The following VLDLR variants were observed in gnomAD, a reference collection of about 807,000 sequenced individuals.
The protein encoded by VLDLR is very low density lipoprotein receptor, also known as very low-density lipoprotein receptor.
A neutral mutation model predicts 112.7 loss-of-function variants in VLDLR; 81 were observed. That is an observed-to-expected ratio of 0.72 (90% CI 0.60 to 0.86). The LOEUF (loss-of-function observed/expected upper bound fraction) is 0.86, where lower values mean the gene tolerates loss of function less well. VLDLR is among the 40% of genes least tolerant of loss of function. VLDLR has a pLI of 0.00. For synonymous variants in VLDLR, 436 were observed against 384.8 expected, an observed-to-expected ratio of 1.13 and a Z score of -1.56; for missense variants, 1,237 against 1,099.4, an observed-to-expected ratio of 1.13 and a Z score of -1.77.
rs753431442 is a variant in VLDLR, at chr9:2,643,185, G to A, written c.474G>A (p.Glu158=). ...GCAATATAACATGTAGTCCCGACGA[G>A]TTCACCTGCTCCAGTGGCCGCTGCA... ...NCGNITCSPD[E]FTCSSGRCIS... The change falls in exon 5 of 19, where the codon GAG becomes GAA. Residue 158 remains glutamate (E), a synonymous_variant. Transcript: ENST00000382100. 1 of 1,613,214 alleles carries A rather than the reference G, an allele frequency of 6.2e-7. No individual in the cohort carries two copies. The highest frequency in any genetic ancestry group is 1.1e-5 in the South Asian group (1 of 91,084).
At chr9:2,647,116 C>G (rs2130799219) in intron 11 of VLDLR, among the ~76,000 whole-genome samples, 1 of 151,246 alleles carries the variant, frequency 6.6e-6, no homozygotes, top group African/African-American at 2.4e-5. Flanking sequence ...ACAACTGGCC[C>G]CCGTGCAGCC....
At chr9:2,651,649 C>T (rs1186123410) in intron 16 of VLDLR, 151 bp downstream of exon 16, 2 of 890,828 alleles carry the variant, frequency 2.2e-6, no homozygotes, top group Admixed American at 4.6e-5. Flanking sequence ...ACTTGCATAT[C>T]TTTTCCTGAC....
At position 2,646,021 on chromosome 9, in the gene VLDLR, C is replaced by A. The variant is rs139145148; in HGVS notation, c.1484+276C>A. The stretch of plus-strand genomic sequence containing the variant: ...AATTGAGAACTGTTCATTGTTGCTA[C>A]AAATAGAAATGGTAGTACAGCCTTT... On this transcript the variant is annotated intron_variant, in intron 10 of 18. Coordinates refer to ENST00000382100, the MANE Select transcript of VLDLR (RefSeq NM_003383.5). 6.8e-3 allele frequency among the ~76,000 whole-genome samples: 1,033 copies of A among 152,060 alleles called. 16 individuals carry two copies. Among genetic ancestry groups the A allele is most frequent in the African/African-American group, 0.022 (926 of 41,460 alleles).
chr9:2,640,847 C>T (rs1817792449), intron 3 of VLDLR, among the ~76,000 whole-genome samples: 1 of 152,200 alleles, frequency 6.6e-6, no homozygotes, highest in African/African-American at 2.4e-5. Flanking sequence ...TGTAAAGATT[C>T]AGCCTCAACT....
intron 1 of VLDLR, among the ~76,000 whole-genome samples, chr9:2,634,485 G>T (rs542504056): frequency 1.3e-5 from 2 of 152,134 alleles, no homozygotes; most frequent in Non-Finnish European, 2.9e-5. Context: ...AATCACATCC[G>T]CCAGAAGGAC....
chr9:2,650,586 T>G (rs1031554792), intron 15 of VLDLR, 70 bp downstream of exon 15: 1 of 1,591,442 alleles, frequency 6.3e-7, no homozygotes, highest in African/African-American at 1.3e-5. Context: ...CAAGCTTGGA[T>G]TTTTAAGAAT....
intron 1 of VLDLR, among the ~76,000 whole-genome samples, chr9:2,629,901 A>G (rs562303603): frequency 2.0e-5 from 3 of 152,298 alleles, no homozygotes; most frequent in African/African-American, 7.2e-5. Context: ...GGTTCAAACA[A>G]TTCTCCTGCA....
intron 1 of VLDLR, among the ~76,000 whole-genome samples, chr9:2,633,941 T>C (rs928604973): frequency 5.3e-5 from 8 of 152,126 alleles, no homozygotes; most frequent in Admixed American, 3.3e-4. Context: ...ATCTCTACCC[T>C]CCTCTAGTTC....
chr9:2,622,352 GC>G, intron 1 of VLDLR, 81 bp downstream of exon 1: 1 of 1,258,288 alleles, frequency 7.9e-7, no homozygotes, highest in Non-Finnish European at 1.0e-6. Flanking sequence ...GTCTCCGTTT[GC>G]CCACCCGCCT....
chr9:2,658,211 C>T lies in VLDLR; in HGVS notation c.*4343C>T, dbSNP rs1382878264. 6.6e-6 allele frequency: 1 copy of T among 152,182 alleles called. No individual in the cohort carries two copies. The highest frequency in any genetic ancestry group is 1.5e-5 in the Non-Finnish European group (1 of 68,026). 9.4% of individuals were successfully genotyped at this position (152,182 alleles called of 1,614,324 possible). A position where few individuals can be genotyped will look rare whatever the true frequency, so the allele number is the denominator to read the frequency against. ...AGCTGAATGCATTTTACCAGTGAGG[C>T]TCTAGATATGAAACTTAGGGATCCA... On this transcript the variant is annotated 3_prime_UTR_variant, in exon 19 of 19. Transcript: ENST00000382100.
Position 2,651,384 on chromosome 9 carries a change from A to G in VLDLR, c.2252-31A>G. The G allele has an allele frequency of 3.1e-6, 5 of 1,591,598 alleles. No individual in the cohort carries two copies. The South Asian group carries it at 5.5e-5, about 18-fold the overall frequency. On this transcript the variant is annotated intron_variant, in intron 15 of 18. Transcript: ENST00000382100. ...CAGCTAGCCATGCTGGAACCCTGGC[A>G]TTAACCAGGTTCTTGGTTTTTATAA...
chr9:2,651,823 C>CTAAG (rs1818362743), intron 16 of VLDLR, 51 bp from the exon 17 acceptor site: 2 of 1,608,092 alleles, frequency 1.2e-6, no homozygotes, highest in Admixed American at 1.7e-5. Context: ...GGGTAAATTT[C>CTAAG]TAAGTCTGAA....
In VLDLR at chr9:2,630,972, GA is replaced by G. The variant is rs34846717; in HGVS notation, c.83-4475del. On this transcript the variant is annotated intron_variant, in intron 1 of 18. Transcript: ENST00000382100. ...AGAATATACAAACTCAAACAATGGG[GA>G]AAAAATAATCCCATTAAAAAGTGGA... 2.4e-3 allele frequency among the ~76,000 whole-genome samples: 358 copies of G among 152,010 alleles called. 2 individuals carry two copies. The highest frequency in any genetic ancestry group is 8.1e-3 in the South Asian group (39 of 4,806).
rs1818511716 is a variant in VLDLR, at chr9:2,654,491, T to A, written c.*623T>A. The A allele has an allele frequency of 6.3e-6, 1 of 158,840 alleles. No individual in the cohort carries two copies. Among genetic ancestry groups the A allele is most frequent in the East Asian group, 1.8e-4 (1 of 5,422 alleles). The allele number at this position is 158,840 out of a possible 1,614,324, so 9.8% of individuals were successfully genotyped here. A position where few individuals can be genotyped will look rare whatever the true frequency, so the allele number is the denominator to read the frequency against. On this transcript the variant is annotated 3_prime_UTR_variant, in exon 19 of 19. Transcript: ENST00000382100. ...AACCAAGCAGCTTAACCATGGTTTG[T>A]GCCTGTTCCTCTAGGATGAACTCCT...
rs371643128 is a variant in VLDLR, at chr9:2,643,473, G to T, written c.762G>T (p.Lys254Asn). ...GCGGCTCTGGCGAGTGCATCCATAA[G>T]AAGTGGCGATGTGATGGGGACCCTG... ...IQCGSGECIH[K>N]KWRCDGDPDC... The change falls in exon 5 of 19, where the codon AAG becomes AAT. Residue 254 changes from lysine to asparagine, a missense_variant. Transcript: ENST00000382100. The T allele has an allele frequency of 6.2e-7, 1 of 1,614,122 alleles. No homozygotes were observed. Among genetic ancestry groups the T allele is most frequent in the African/African-American group, 1.3e-5 (1 of 74,934 alleles).
intron 14 of VLDLR, among the ~76,000 whole-genome samples, chr9:2,649,529 C>T (rs927020269): frequency 6.6e-6 from 1 of 152,102 alleles, no homozygotes; most frequent in African/African-American, 2.4e-5. Flanking sequence ...GTAGCTGGGA[C>T]TACAGGAGTG....
chr9:2,635,153 A>G (rs1450317710), intron 1 of VLDLR, among the ~76,000 whole-genome samples: 3 of 152,234 alleles, frequency 2.0e-5, no homozygotes, highest in Admixed American at 6.5e-5. Context: ...CCTCTTAAGG[A>G]CATTTCCCAA....
At chr9:2,648,137 C>G in intron 12 of VLDLR, 71 bp from the exon 13 acceptor site, 1 of 1,589,062 alleles carries the variant, frequency 6.3e-7, no homozygotes, top group Non-Finnish European at 8.6e-7. Flanking sequence ...ATTATTAATT[C>G]ATTAGATATT....
rs367932438 is a variant in VLDLR at position 2,645,587 on chromosome 9, T to C, written c.1326T>C (p.Ser442=). ...TCCATCTTGCAGGCAAAGAGCCAAGTCTGATCTTCACTAATCGAAGAGACA... is the reference window on the plus strand; with the variant it reads ...TCCATCTTGCAGGCAAAGAGCCAAGCCTGATCTTCACTAATCGAAGAGACA... ...GVCKAVGKEP[S]LIFTNRRDIR... is the part of the protein sequence containing the mutation. The change falls in exon 10 of 19, where the codon AGT becomes AGC. Residue 442 remains serine, a synonymous_variant. Transcript: ENST00000382100. 2 of 1,614,106 alleles carry C rather than the reference T, an allele frequency of 1.2e-6. No homozygotes were observed. Among genetic ancestry groups the C allele is most frequent in the African/African-American group, 1.3e-5 (1 of 74,938 alleles).
Sources: allele counts gnomAD v4.1 joint callset (sites outside exome capture counted in the v4.1 genomes callset), GRCh38; gene constraint gnomAD v4.1.1; transcripts MANE v1.5; gene names NCBI Gene and HGNC (gene_info 2026-07-23, HGNC 2026-07-21).